Variants in STPG1 observed in about 807,000 individuals in gnomAD.
STPG1 encodes sperm tail PG-rich repeat containing 1.
A neutral mutation model predicts 40.1 loss-of-function variants in STPG1; 33 were observed. That is an observed-to-expected ratio of 0.82 (90% CI 0.62 to 1.10). The LOEUF is 1.10. Among genes scored for constraint, STPG1 ranks in the 50% least tolerant of loss-of-function variants. The pLI is 0.00. For missense variants in STPG1, 396 were observed against 415.1 expected, an observed-to-expected ratio of 0.95 and a Z score of 0.40; for synonymous variants, 150 against 155.0, an observed-to-expected ratio of 0.97 and a Z score of 0.24.
At position 24,401,679 on chromosome 1, in the gene STPG1, G is replaced by T. The variant is rs185722996; in HGVS notation, c.-68-223C>A. Among the ~76,000 whole-genome samples, 114 of 152,242 alleles carry T rather than the reference G, an allele frequency of 7.5e-4. 3 individuals are homozygous for T. The East Asian group carries it at 0.019, about 26-fold the overall frequency. The stretch of plus-strand genomic sequence containing the variant: ...GATGTTGCTTACAGAACTACTGAAG[G>T]CTTGGATTTTATTTTTATTTTTTAT... On this transcript the variant is annotated intron_variant, in intron 1 of 8. Transcript: ENST00000337248.
chr1:24,381,316 T>G (rs1642274122), intron 4 of STPG1, among the ~76,000 whole-genome samples: 1 of 152,226 alleles, frequency 6.6e-6, no homozygotes, highest in African/African-American at 2.4e-5. Context: ...GTAGAGGCAA[T>G]GTTTTATAAA....
Position 24,364,184 on chromosome 1 carries a change from G to A in STPG1, c.738-3143C>T, listed in dbSNP as rs1305065788. 3.4e-6 allele frequency: 5 copies of A among 1,490,506 alleles called. No individual in the cohort carries two copies. In the East Asian group the frequency reaches 1.3e-4, roughly 39 times the overall value. The allele number at this position is 1,490,506 out of a possible 1,614,324, so 92.3% of individuals were successfully genotyped here. On this transcript the variant is annotated intron_variant, in intron 7 of 8. Transcript: ENST00000337248. ...TTCTTGACGTTCTCACTTTCTTCCAGGGAAACTTCTCTCCTCCACCCACGC... is the reference window on the plus strand; with the variant it reads ...TTCTTGACGTTCTCACTTTCTTCCAAGGAAACTTCTCTCCTCCACCCACGC...
chr1:24,380,633 G>A (rs1169594565), intron 4 of STPG1, among the ~76,000 whole-genome samples: 1 of 152,212 alleles, frequency 6.6e-6, no homozygotes, highest in African/African-American at 2.4e-5. Flanking sequence ...TGAGCCAAAA[G>A]GAAGGCATTA....
At chr1:24,366,047 C>T (rs769755623) in intron 7 of STPG1, among the ~76,000 whole-genome samples, 12 of 152,184 alleles carry the variant, frequency 7.9e-5, no homozygotes, top group African/African-American at 2.9e-4. Flanking sequence ...CTAAAAACTC[C>T]AGGGAGAATT....
chr1:24,370,989 C>T (rs1040377695), intron 6 of STPG1, among the ~76,000 whole-genome samples: 1 of 152,078 alleles, frequency 6.6e-6, no homozygotes, highest in African/African-American at 2.4e-5. Flanking sequence ...CACTTCCCCA[C>T]CACACCACAA....
At chr1:24,409,806 T>C (rs1335914254) in intron 1 of STPG1, among the ~76,000 whole-genome samples, 1 of 152,196 alleles carries the variant, frequency 6.6e-6, no homozygotes, top group Non-Finnish European at 1.5e-5. Flanking sequence ...TCTCAGTGCT[T>C]GTGTTCAAGT....
intron 5 of STPG1, 130 bp downstream of exon 5, chr1:24,379,523 G>T: frequency 2.0e-6 from 2 of 998,310 alleles, no homozygotes; most frequent in Non-Finnish European, 3.1e-6. Context: ...GGCACCCATT[G>T]GGTAGTCAAC....
At chr1:24,384,801 C>T (rs1444052537) in intron 3 of STPG1, among the ~76,000 whole-genome samples, 1 of 152,186 alleles carries the variant, frequency 6.6e-6, no homozygotes, top group Non-Finnish European at 1.5e-5. Flanking sequence ...TTTTCACCAT[C>T]AGCCAGTGAT....
chr1:24,389,041 T>C (rs1321922725), intron 3 of STPG1, among the ~76,000 whole-genome samples: 1 of 152,198 alleles, frequency 6.6e-6, no homozygotes, highest in Non-Finnish European at 1.5e-5. Context: ...TTACAAATGC[T>C]GAGATGAAAG....
At chr1:24,394,892 T>C (rs1482264014) in intron 2 of STPG1, among the ~76,000 whole-genome samples, 2 of 150,524 alleles carry the variant, frequency 1.3e-5, no homozygotes, top group Non-Finnish European at 3.0e-5. Context: ...AGAGAAGAAA[T>C]AGAAAAAAAT....
chr1:24,406,663 TC>T (rs1315474820), intron 1 of STPG1, among the ~76,000 whole-genome samples: 1 of 152,172 alleles, frequency 6.6e-6, no homozygotes, highest in Non-Finnish European at 1.5e-5. Flanking sequence ...TAGGTTTTTT[TC>T]TCTTCCTACC....
chr1:24,399,618 AT>A lies in STPG1; in HGVS notation c.70+1700del, dbSNP rs561912328. Among the ~76,000 whole-genome samples the A allele has an allele frequency of 8.7e-3, 1,330 of 152,312 alleles. 15 individuals carry two copies. The highest frequency in any genetic ancestry group is 0.013 in the Non-Finnish European group (902 of 68,024). ...GAAAAGGAAAGTCCCAGGATAAGGGATGACATTTACCTACAGCTAACAAATG... is the reference window on the plus strand; with the variant it reads ...GAAAAGGAAAGTCCCAGGATAAGGGAGACATTTACCTACAGCTAACAAATG... On this transcript the variant is annotated intron_variant, in intron 2 of 8. Coordinates refer to ENST00000337248, the MANE Select transcript of STPG1 (RefSeq NM_001199013.2). The surrounding 1 kb of genome is among the most constrained non-coding windows in gnomAD (Gnocchi z 4.0).
intron 4 of STPG1, among the ~76,000 whole-genome samples, chr1:24,382,637 T>G (rs1398705641): frequency 6.6e-6 from 1 of 152,212 alleles, no homozygotes; most frequent in African/African-American, 2.4e-5. Flanking sequence ...TCTGTGGACC[T>G]ACTGAGGCCA....
intron 1 of STPG1, among the ~76,000 whole-genome samples, chr1:24,401,919 T>C (rs1643244217): frequency 6.6e-6 from 1 of 152,146 alleles, no homozygotes; most frequent in Non-Finnish European, 1.5e-5. Flanking sequence ...ACTCCTGACC[T>C]CAGGTAATCT....
chr1:24,400,284 C>T (rs1331023321), intron 2 of STPG1, among the ~76,000 whole-genome samples: 2 of 152,140 alleles, frequency 1.3e-5, no homozygotes, highest in Non-Finnish European at 2.9e-5. Flanking sequence ...TTCACATTTA[C>T]ATAACATTCA....
intron 1 of STPG1, among the ~76,000 whole-genome samples, chr1:24,408,986 T>TA (rs1311581762): frequency 1.3e-5 from 2 of 152,126 alleles, no homozygotes; most frequent in Non-Finnish European, 2.9e-5. Flanking sequence ...TTCAAGAAAT[T>TA]AAGAGATTCA....
chr1:24,365,943 C>T (rs183441848), intron 7 of STPG1, among the ~76,000 whole-genome samples: 9 of 152,290 alleles, frequency 5.9e-5, no homozygotes, highest in African/African-American at 9.6e-5. Flanking sequence ...CGTGATCAGC[C>T]GTTCCCTGCC....
At position 24,370,582 on chromosome 1, in the gene STPG1, C is replaced by T. The variant is rs367813707; in HGVS notation, c.572-743G>A. ...TCTCAGCTCACTGCAAGCTCTGCCT[C>T]CCAGGTTCACGCCATTCTCCTGCCT... On this transcript the variant is annotated intron_variant, in intron 6 of 8. Transcript: ENST00000337248. Among the ~76,000 whole-genome samples, 142 of 152,252 alleles carry T rather than the reference C, an allele frequency of 9.3e-4. 2 individuals carry two copies. The South Asian group carries it at 0.017, about 18-fold the overall frequency.
intron 7 of STPG1, chr1:24,364,373 A>G (rs1443848268): frequency 6.5e-7 from 1 of 1,536,914 alleles, no homozygotes; most frequent in Admixed American, 2.0e-5. Context: ...TCGGAATGAC[A>G]CACCCACCTG....
Sources: gnomAD v4.1 joint callset for allele counts (sites outside exome capture counted in the v4.1 genomes callset) on GRCh38, gnomAD v4.1.1 for gene constraint, Gnocchi (gnomAD v3.1) non-coding constraint, MANE v1.5 for transcripts, NCBI Gene and HGNC (gene_info 2026-07-23, HGNC 2026-07-21) for gene names.